ZNF565: variants seen among roughly 807,000 people sequenced by gnomAD.
The protein encoded by ZNF565 is zinc finger protein 565.
In ZNF565, 27 loss-of-function variants were observed where a neutral mutation model predicts 39.4. The observed-to-expected ratio is 0.69, with a 90% CI of 0.51 to 0.95. The LOEUF is 0.95. ZNF565 is among the 40% of genes least tolerant of loss of function. The probability of loss-of-function intolerance (pLI) is 0.00; values close to 1 mark genes in which losing one functional copy is unlikely to be tolerated. For synonymous variants in ZNF565, 185 were observed against 216.6 expected, an observed-to-expected ratio of 0.85 and a Z score of 1.28; for missense variants, 524 against 621.1, an observed-to-expected ratio of 0.84 and a Z score of 1.66.
At chr19:36,212,209 A>C (rs1976385396) in intron 1 of ZNF565, among the ~76,000 whole-genome samples, 1 of 152,186 alleles carries the variant, frequency 6.6e-6, no homozygotes, top group Non-Finnish European at 1.5e-5. Flanking sequence ...AATTCCAAAG[A>C]GAGGAACATT....
At chr19:36,214,377 C>T (rs1354123197) in intron 1 of ZNF565, among the ~76,000 whole-genome samples, 1 of 152,178 alleles carries the variant, frequency 6.6e-6, no homozygotes. Flanking sequence ...GGGACACACG[C>T]AGTATCACCC....
upstream of ZNF565, among the ~76,000 whole-genome samples, chr19:36,218,711 C>T (rs1433993992): frequency 1.3e-5 from 2 of 151,998 alleles, no homozygotes; most frequent in African/African-American, 2.4e-5. Context: ...CCTTGTGATC[C>T]ACCTGCCTCA....
At position 36,196,138 on chromosome 19, in the gene ZNF565, T is replaced by A. The variant is rs543788204; in HGVS notation, c.10-982A>T. ...TTTTAGTAGAGATGGGGTTTCACCA[T>A]GTTAGTCAATCTTGAACTCCTGACC... is the stretch of plus-strand genomic sequence containing the variant. On this transcript the variant is annotated intron_variant, in intron 2 of 4. Transcript: ENST00000304116. Among the ~76,000 whole-genome samples, 279 of 152,022 alleles carry A rather than the reference T, an allele frequency of 1.8e-3. 1 individual carries two copies. Among genetic ancestry groups the A allele is most frequent in the African/African-American group, 6.1e-3 (252 of 41,480 alleles).
At chr19:36,203,713 G>A (rs1976050445) in intron 1 of ZNF565, among the ~76,000 whole-genome samples, 2 of 151,970 alleles carry the variant, frequency 1.3e-5, no homozygotes, top group East Asian at 1.9e-4. Context: ...GTAGCTAGGA[G>A]TACAGGCGCA....
chr19:36,214,966 G>A (rs944671797), upstream of ZNF565: 3 of 152,560 alleles, frequency 2.0e-5, no homozygotes, highest in African/African-American at 7.2e-5. Flanking sequence ...GACCAGTAAA[G>A]CCTCAAGGGA....
chr19:36,182,332 G>C lies in ZNF565; in HGVS notation c.*134C>G. On this transcript the variant is annotated 3_prime_UTR_variant, in exon 5 of 5. Coordinates refer to ENST00000304116, the MANE Select transcript of ZNF565 (RefSeq NM_152477.5). ...TTTATTTAATTTTCTTTGGGTGTGA[G>C]TTTTCTGATGTTCTATGATGGAAGT... is the stretch of plus-strand genomic sequence containing the variant. 3 of 673,386 alleles carry C rather than the reference G, an allele frequency of 4.5e-6. No homozygotes were observed. The highest frequency in any genetic ancestry group is 6.6e-6 in the Non-Finnish European group (3 of 452,444). The allele number at this position is 673,386 out of a possible 1,614,324, so 41.7% of individuals were successfully genotyped here.
intron 1 of ZNF565, among the ~76,000 whole-genome samples, chr19:36,205,771 G>T (rs1976128944): frequency 6.6e-6 from 1 of 151,722 alleles, no homozygotes; most frequent in South Asian, 2.1e-4. Flanking sequence ...AAAAGAGGAG[G>T]AGAGAGATGA....
rs1976123380 is a variant in ZNF565, at chr19:36,205,602, GA to G, written c.-65-3553del. Among the ~76,000 whole-genome samples, 3 of 152,186 alleles carry G rather than the reference GA, an allele frequency of 2.0e-5. No homozygotes were observed. In the South Asian group the frequency reaches 6.2e-4, roughly 32 times the overall value. The stretch of plus-strand genomic sequence containing the variant: ...AAGGAAACCTAAGAATTTAAAGACA[GA>G]AGTGACAGGACCAATATGGCCAGGT... On this transcript the variant is annotated intron_variant, in intron 1 of 4. Transcript: ENST00000304116.
intron 1 of ZNF565, among the ~76,000 whole-genome samples, chr19:36,203,928 T>C (rs954289631): frequency 2.0e-5 from 3 of 150,728 alleles, no homozygotes; most frequent in East Asian, 2.0e-4. Flanking sequence ...AAGCTTCCTG[T>C]AGGGGGTGTG....
intron 1 of ZNF565, among the ~76,000 whole-genome samples, chr19:36,213,954 GC>G (rs1261113306): frequency 1.3e-5 from 2 of 151,662 alleles, no homozygotes; most frequent in African/African-American, 4.8e-5. Flanking sequence ...ATAGTCACAA[GC>G]CCCACACACC....
At chr19:36,192,095 T>C (rs906994871) in intron 4 of ZNF565, among the ~76,000 whole-genome samples, 2 of 151,502 alleles carry the variant, frequency 1.3e-5, no homozygotes, top group Non-Finnish European at 2.9e-5. Flanking sequence ...TTCAAGCGAT[T>C]CTCCTGTCTC....
chr19:36,207,542 C>A (rs377651534), intron 1 of ZNF565, among the ~76,000 whole-genome samples: 56 of 145,340 alleles, frequency 3.9e-4, no homozygotes, highest in Admixed American at 4.1e-4. Flanking sequence ...CCATCTCAAA[C>A]AAAAAAAAAA....
chr19:36,232,481 T>G (rs1183811343), intron 1 of ZNF565, among the ~76,000 whole-genome samples: 1 of 152,234 alleles, frequency 6.6e-6, no homozygotes, highest in Non-Finnish European at 1.5e-5. Flanking sequence ...TAGTCTGCAT[T>G]ATAATCCGGT....
intron 4 of ZNF565, among the ~76,000 whole-genome samples, chr19:36,190,259 A>G (rs897287298): frequency 2.0e-5 from 3 of 152,124 alleles, no homozygotes; most frequent in Non-Finnish European, 4.4e-5. Flanking sequence ...ATGTTGTCAC[A>G]CAGCAAGGGG....
At chr19:36,186,347 C>T (rs981701456) in intron 4 of ZNF565, among the ~76,000 whole-genome samples, 1 of 152,130 alleles carries the variant, frequency 6.6e-6, no homozygotes, top group Non-Finnish European at 1.5e-5. Flanking sequence ...CCTAAACACA[C>T]GCCTTTATCC....
chr19:36,193,524 T>G (rs2145320769), intron 4 of ZNF565, among the ~76,000 whole-genome samples: 1 of 147,024 alleles, frequency 6.8e-6, no homozygotes, highest in South Asian at 2.2e-4. Flanking sequence ...CACTGCAAGC[T>G]CCGCCTCCCG....
chr19:36,183,643 C>T lies in ZNF565; in HGVS notation c.323G>A (p.Ser108Asn), dbSNP rs1044438373. 2 of 1,614,044 alleles carry T rather than the reference C, an allele frequency of 1.2e-6. No homozygotes were observed. The highest frequency in any genetic ancestry group is 1.7e-5 in the Admixed American group (1 of 59,972). Residue 108 changes from serine to asparagine, a missense_variant, in exon 5 of 5, where the codon AGT becomes AAT. Coordinates refer to ENST00000304116, the MANE Select transcript of ZNF565 (RefSeq NM_152477.5). Reference protein sequence around the residue: ...NWEIMESLKCSDLEGSDFRAD... With the variant: ...NWEIMESLKCNDLEGSDFRAD... ...TCTAAAATCGGAGCCCTCCAGGTCA[C>T]TGCATTTAAGGCTTTCCATTATCTC... is the stretch of plus-strand genomic sequence containing the variant.
intron 1 of ZNF565, among the ~76,000 whole-genome samples, chr19:36,210,375 G>A (rs941623760): frequency 5.4e-5 from 7 of 130,510 alleles, no homozygotes; most frequent in African/African-American, 2.0e-4. Context: ...AGTGAGCCGA[G>A]ATGGCACCAT....
chr19:36,197,409 T>C (rs1350361888), intron 2 of ZNF565, among the ~76,000 whole-genome samples: 5 of 151,474 alleles, frequency 3.3e-5, no homozygotes, highest in East Asian at 1.9e-4. Context: ...GAGGTGGAGG[T>C]TGCAGTGAGC....
Sources: allele counts gnomAD v4.1 joint callset (sites outside exome capture counted in the v4.1 genomes callset), GRCh38; gene constraint gnomAD v4.1.1; transcripts MANE v1.5; gene names NCBI Gene and HGNC (gene_info 2026-07-23, HGNC 2026-07-21).